Variants in FRMD4A observed in about 807,000 individuals in gnomAD.
FRMD4A encodes FERM domain-containing protein 4A.
In FRMD4A, 29 loss-of-function variants were observed where a neutral mutation model predicts 129.1. The ratio of observed to expected loss-of-function variants is 0.22; its 90% CI spans 0.17 to 0.31. The LOEUF (loss-of-function observed/expected upper bound fraction) is 0.31, where lower values mean the gene tolerates loss of function less well. Ranked by LOEUF, FRMD4A falls within the 10% of genes least tolerant of loss-of-function variation. The pLI, the probability that FRMD4A is intolerant of heterozygous loss-of-function variation, is 1.00. For synonymous variants in FRMD4A, 634 were observed against 571.6 expected (o/e 1.11, Z -1.56); for missense variants, 1,272 against 1,375.8 (o/e 0.92, Z 1.19).
chr10:14,226,221 G>A (rs1477470501), intron 2 of FRMD4A, among the ~76,000 whole-genome samples: 1 of 152,078 alleles, frequency 6.6e-6, no homozygotes, highest in Non-Finnish European at 1.5e-5. Flanking sequence ...TCATCATCTA[G>A]GTTTTAAGCC....
At chr10:14,066,280 C>G (rs192336636) in intron 2 of FRMD4A, among the ~76,000 whole-genome samples, 1 of 149,492 alleles carries the variant, frequency 6.7e-6, no homozygotes, top group Non-Finnish European at 1.5e-5. Context: ...ACCAAAGTCA[C>G]GTACTTCCTC....
chr10:14,034,773 G>T (rs546905642), intron 2 of FRMD4A, among the ~76,000 whole-genome samples: 8 of 152,166 alleles, frequency 5.3e-5, no homozygotes, highest in Non-Finnish European at 1.0e-4. Flanking sequence ...CCTGACACCA[G>T]GTTCATGCAT....
chr10:14,183,850 A>G (rs940149881), intron 2 of FRMD4A, among the ~76,000 whole-genome samples: 1 of 152,256 alleles, frequency 6.6e-6, no homozygotes, highest in African/African-American at 2.4e-5. Context: ...TTAGTAAGAC[A>G]TGATTTTTCT....
Position 13,657,060 on chromosome 10 carries a change from G to GC in FRMD4A, c.2528dup (p.Gly844ArgfsTer156). 1 of 1,573,630 alleles carries GC rather than the reference G, an allele frequency of 6.4e-7. No homozygotes were observed. Among genetic ancestry groups the GC allele is most frequent in the Non-Finnish European group, 8.6e-7 (1 of 1,166,412 alleles). ...TGCGCACCACCACGGGCGTGGCGCCGCCCTCGATGTACAGCGGGTACTCCT... is the reference window on the plus strand; with the variant it reads ...TGCGCACCACCACGGGCGTGGCGCCGCCCCTCGATGTACAGCGGGTACTCCT... On this transcript the variant is annotated frameshift_variant, in exon 22 of 25. Coordinates refer to ENST00000357447, the MANE Select transcript of FRMD4A (RefSeq NM_018027.5). LOFTEE classifies it high-confidence loss of function.
At chr10:13,782,479 C>T (rs115647932) in intron 6 of FRMD4A, among the ~76,000 whole-genome samples, 2,514 of 150,034 alleles carry the variant, frequency 0.017, 63 homozygotes, top group African/African-American at 0.058. Context: ...GAGTCTCCGC[C>T]TGTCACCAGG....
chr10:14,298,886 G>A (rs74122205), intron 2 of FRMD4A, among the ~76,000 whole-genome samples: 8 of 152,282 alleles, frequency 5.3e-5, no homozygotes, highest in South Asian at 4.1e-4. Context: ...CTCCCTTTCC[G>A]GATTGAAGCA....
At chr10:14,241,557 T>C (rs1844042062) in intron 2 of FRMD4A, among the ~76,000 whole-genome samples, 1 of 151,858 alleles carries the variant, frequency 6.6e-6, no homozygotes, top group South Asian at 2.1e-4. Flanking sequence ...GTACAATGGC[T>C]TGAAGGACAA....
intron 4 of FRMD4A, among the ~76,000 whole-genome samples, chr10:13,799,794 G>T (rs1303831696): frequency 3.9e-5 from 6 of 152,116 alleles, no homozygotes; most frequent in African/African-American, 1.4e-4. Context: ...GATTGCCTAA[G>T]TCTGGGGTTT....
chr10:14,183,036 G>A (rs1043701722), intron 2 of FRMD4A, among the ~76,000 whole-genome samples: 15 of 152,174 alleles, frequency 9.9e-5, no homozygotes, highest in Non-Finnish European at 2.2e-4. Flanking sequence ...GGAGGTGAGG[G>A]AGGACTTCAG....
At chr10:13,693,633 G>C in intron 15 of FRMD4A, 1 of 666,382 alleles carries the variant, frequency 1.5e-6, no homozygotes, top group Non-Finnish European at 2.4e-6. Context: ...GGTACCTGAA[G>C]ACACTTAAGT....
At chr10:14,121,469 A>G (rs181391924) in intron 2 of FRMD4A, among the ~76,000 whole-genome samples, 22 of 152,310 alleles carry the variant, frequency 1.4e-4, no homozygotes, top group Admixed American at 1.4e-3. Flanking sequence ...CTAACAAGCC[A>G]CCAGGTGATG....
At chr10:13,992,643 A>T (rs1036034534) in intron 2 of FRMD4A, among the ~76,000 whole-genome samples, 5 of 152,218 alleles carry the variant, frequency 3.3e-5, no homozygotes, top group Admixed American at 3.3e-4. Flanking sequence ...TTGATATTTG[A>T]TTATTTAATT....
chr10:13,982,491 G>A (rs1588667807), intron 2 of FRMD4A, among the ~76,000 whole-genome samples: 1 of 132,510 alleles, frequency 7.5e-6, no homozygotes. Flanking sequence ...GAGGGGAGGG[G>A]AGGGGAGGGG....
intron 6 of FRMD4A, among the ~76,000 whole-genome samples, chr10:13,772,243 T>C (rs990396816): frequency 1.4e-5 from 2 of 147,728 alleles, no homozygotes; most frequent in African/African-American, 5.0e-5. Context: ...AAATAAAGAG[T>C]TCATAGCTAA....
At chr10:13,898,307 A>G (rs1442671588) in intron 2 of FRMD4A, among the ~76,000 whole-genome samples, 1 of 152,138 alleles carries the variant, frequency 6.6e-6, no homozygotes, top group African/African-American at 2.4e-5. Flanking sequence ...TGGAGGTTGC[A>G]GTGAGCTGAG....
intron 2 of FRMD4A, among the ~76,000 whole-genome samples, chr10:14,077,895 GT>G (rs1267857284): frequency 6.6e-6 from 1 of 152,214 alleles, no homozygotes; most frequent in Non-Finnish European, 1.5e-5. Context: ...GGAGATATGT[GT>G]GTTACATGGC....
chr10:14,320,305 C>T (rs539440417), intron 2 of FRMD4A, among the ~76,000 whole-genome samples: 22 of 152,298 alleles, frequency 1.4e-4, no homozygotes, highest in South Asian at 1.2e-3. Flanking sequence ...TATTCTTTAG[C>T]TAGCAGTCCA....
At chr10:13,718,894 A>G (rs2089139456) in intron 12 of FRMD4A, among the ~76,000 whole-genome samples, 1 of 152,190 alleles carries the variant, frequency 6.6e-6, no homozygotes, top group South Asian at 2.1e-4. Flanking sequence ...AACCAGACTC[A>G]AATTTCCTTG....
At chr10:14,124,317 C>T (rs1051537781) in intron 2 of FRMD4A, among the ~76,000 whole-genome samples, 2 of 152,176 alleles carry the variant, frequency 1.3e-5, no homozygotes, top group South Asian at 2.1e-4. Flanking sequence ...TTGTAATTCT[C>T]GCAGCAGCCC....
Sources: gnomAD v4.1 joint callset for allele counts (sites outside exome capture counted in the v4.1 genomes callset) on GRCh38, gnomAD v4.1.1 for gene constraint, MANE v1.5 for transcripts, NCBI Gene and HGNC (gene_info 2026-07-23, HGNC 2026-07-21) for gene names.